FYN: variants seen among roughly 807,000 people sequenced by gnomAD.
The protein encoded by FYN is FYN proto-oncogene, Src family tyrosine kinase, also known as tyrosine-protein kinase Fyn.
A neutral mutation model predicts 70.2 loss-of-function variants in FYN; 10 were observed. That is an observed-to-expected ratio of 0.14 (90% CI 0.09 to 0.24). FYN has a LOEUF of 0.24. FYN is among the 10% of genes least tolerant of loss of function. FYN has a pLI of 1.00. For synonymous variants in FYN, 236 were observed against 248.6 expected (o/e 0.95, Z 0.48); for missense variants, 319 against 673.1 (o/e 0.47, Z 5.82).
At chr6:111,685,796 A>T (rs1798979924) in intron 12 of FYN, among the ~76,000 whole-genome samples, 1 of 152,228 alleles carries the variant, frequency 6.6e-6, no homozygotes, top group African/African-American at 2.4e-5. Context: ...AACAACCATC[A>T]AAAGGCTCTG....
At chr6:111,819,469 T>C (rs551468666) in intron 2 of FYN, among the ~76,000 whole-genome samples, 6 of 152,348 alleles carry the variant, frequency 3.9e-5, no homozygotes, top group Non-Finnish European at 7.4e-5. Flanking sequence ...TCTTGGATTA[T>C]TGTTTTACGA....
At chr6:111,802,177 T>C (rs1019472098) in intron 2 of FYN, among the ~76,000 whole-genome samples, 1 of 152,134 alleles carries the variant, frequency 6.6e-6, no homozygotes, top group Non-Finnish European at 1.5e-5. Flanking sequence ...GCTGCCCTCA[T>C]GATAGTGAGT....
At chr6:111,845,310 C>G (rs372351201) in intron 2 of FYN, among the ~76,000 whole-genome samples, 1 of 152,244 alleles carries the variant, frequency 6.6e-6, no homozygotes. Flanking sequence ...CTCCCATAGG[C>G]GACAGTCTTT....
intron 12 of FYN, among the ~76,000 whole-genome samples, chr6:111,683,928 A>G (rs1798883158): frequency 6.6e-6 from 1 of 152,204 alleles, no homozygotes; most frequent in Non-Finnish European, 1.5e-5. Flanking sequence ...GAATTTTCAC[A>G]CTAGGCCAAA....
intron 2 of FYN, among the ~76,000 whole-genome samples, chr6:111,806,284 T>G (rs1772144772): frequency 6.6e-6 from 1 of 151,998 alleles, no homozygotes; most frequent in Admixed American, 6.6e-5. Flanking sequence ...TCTCTCTCTT[T>G]CCAGAGCACA....
intron 3 of FYN, among the ~76,000 whole-genome samples, chr6:111,730,227 T>C (rs943480522): frequency 2.6e-5 from 4 of 152,096 alleles, no homozygotes; most frequent in Non-Finnish European, 5.9e-5. Context: ...TGAACAGCCA[T>C]AGATATCTAA....
chr6:111,703,132 A>T, intron 7 of FYN, 98 bp from the exon 8 acceptor site: 1 of 1,083,080 alleles, frequency 9.2e-7, no homozygotes, highest in Non-Finnish European at 1.4e-6. Context: ...ATTACCAAGG[A>T]TGCACACACA....
chr6:111,726,074 A>C (rs1299850675), intron 3 of FYN, among the ~76,000 whole-genome samples: 1 of 152,232 alleles, frequency 6.6e-6, no homozygotes, highest in Non-Finnish European at 1.5e-5. Flanking sequence ...AGCTGAGAAC[A>C]GCTCGGTCAA....
chr6:111,735,370 C>T (rs1472823153), intron 3 of FYN, among the ~76,000 whole-genome samples: 2 of 152,156 alleles, frequency 1.3e-5, no homozygotes, highest in Non-Finnish European at 2.9e-5. Flanking sequence ...ACTGAGCCCT[C>T]ACTATGGTGC....
At chr6:111,718,596 G>A (rs184412525) in intron 4 of FYN, among the ~76,000 whole-genome samples, 27 of 152,268 alleles carry the variant, frequency 1.8e-4, no homozygotes, top group African/African-American at 5.5e-4. Flanking sequence ...TGCTTCTCAC[G>A]GTAGGCACAA....
chr6:111,666,923 A>G (rs1798036268), intron 13 of FYN, among the ~76,000 whole-genome samples: 1 of 152,158 alleles, frequency 6.6e-6, no homozygotes, highest in African/African-American at 2.4e-5. Context: ...GCTTTCAAAC[A>G]TGGTCCCCGA....
chr6:111,688,243 C>T (rs567416768), intron 12 of FYN, among the ~76,000 whole-genome samples: 8 of 152,254 alleles, frequency 5.3e-5, no homozygotes, highest in Admixed American at 2.6e-4. Context: ...AGGAATACGG[C>T]GTCAGGATGT....
At position 111,846,590 on chromosome 6, in the gene FYN, T is replaced by G. The variant is rs1773535043; in HGVS notation, c.-83A>C. The G allele has an allele frequency of 7.5e-6, 3 of 398,810 alleles. No individual in the cohort carries two copies. Among genetic ancestry groups the G allele is most frequent in the Non-Finnish European group, 1.3e-5 (3 of 226,054 alleles). 24.7% of individuals were successfully genotyped at this position (398,810 alleles called of 1,614,324 possible). On this transcript the variant is annotated splice_region_variant and 5_prime_UTR_variant, in exon 2 of 14. Transcript: ENST00000354650. ...TCAGTGCAAAACTTGCCAACTTACTTTTTCCACGTTTAGATCAGCATCCTG... is the reference window on the plus strand; with the variant it reads ...TCAGTGCAAAACTTGCCAACTTACTGTTTCCACGTTTAGATCAGCATCCTG...
chr6:111,784,498 A>T (rs1771293193), intron 2 of FYN, among the ~76,000 whole-genome samples: 1 of 152,210 alleles, frequency 6.6e-6, no homozygotes, highest in Admixed American at 6.5e-5. Context: ...GTACATTTGC[A>T]CATTTCCAAC....
chr6:111,718,281 G>A (rs114548933), intron 4 of FYN, among the ~76,000 whole-genome samples: 1,700 of 152,330 alleles, frequency 0.011, 24 homozygotes, highest in African/African-American at 0.037. Flanking sequence ...AGGACTGAAG[G>A]CAGTATTGGG....
chr6:111,832,762 G>A (rs1438192711), intron 2 of FYN, among the ~76,000 whole-genome samples: 1 of 151,904 alleles, frequency 6.6e-6, no homozygotes, highest in African/African-American at 2.4e-5. Flanking sequence ...TCTCAAATAT[G>A]TACTGTCACC....
At chr6:111,728,862 AATAT>A (rs1433078399) in intron 3 of FYN, among the ~76,000 whole-genome samples, 2 of 152,182 alleles carry the variant, frequency 1.3e-5, no homozygotes, top group Non-Finnish European at 2.9e-5. Flanking sequence ...TTAATATTTC[AATAT>A]ATAAGAAATT....
chr6:111,764,238 GA>G (rs753761011), intron 3 of FYN, among the ~76,000 whole-genome samples: 8 of 87,154 alleles, frequency 9.2e-5, no homozygotes, highest in African/African-American at 1.4e-4. Flanking sequence ...AAAAAGAAAA[GA>G]AAAAAAAAGA....
intron 1 of FYN, among the ~76,000 whole-genome samples, chr6:111,862,277 C>T (rs1773985007): frequency 6.6e-6 from 1 of 152,118 alleles, no homozygotes; most frequent in African/African-American, 2.4e-5. Flanking sequence ...ACTATTTCCC[C>T]AATCACCCTA....
Sources: allele counts gnomAD v4.1 joint callset (sites outside exome capture counted in the v4.1 genomes callset), GRCh38; gene constraint gnomAD v4.1.1; transcripts MANE v1.5; gene names NCBI Gene and HGNC (gene_info 2026-07-23, HGNC 2026-07-21).